ERC2: variants seen among roughly 807,000 people sequenced by gnomAD.
ERC2 encodes the protein ELKS/RAB6-interacting/CAST family member 2.
In ERC2, 42 loss-of-function variants were observed where a neutral mutation model predicts 114.8. The observed-to-expected ratio is 0.37, with a 90% CI of 0.29 to 0.47. The LOEUF (loss-of-function observed/expected upper bound fraction) is 0.47, where lower values mean the gene tolerates loss of function less well. Among genes scored for constraint, ERC2 ranks in the 20% least tolerant of loss-of-function variants. The pLI, the probability that ERC2 is intolerant of heterozygous loss-of-function variation, is 0.99. For missense variants in ERC2, 939 were observed against 1,150.7 expected, an observed-to-expected ratio of 0.82 and a Z score of 2.66; for synonymous variants, 454 against 425.5, an observed-to-expected ratio of 1.07 and a Z score of -0.82.
intron 4 of ERC2, among the ~76,000 whole-genome samples, chr3:56,152,139 G>A (rs1344692648): frequency 1.3e-5 from 2 of 152,150 alleles, no homozygotes; most frequent in African/African-American, 4.8e-5. Context: ...AATGCTCCAT[G>A]AAAAGGGGAT....
In ERC2 at chr3:55,546,356, A is replaced by T. The variant is rs139704089; in HGVS notation, c.*40-35080T>A. Among the ~76,000 whole-genome samples the T allele has an allele frequency of 4.3e-3, 650 of 151,842 alleles. 4 individuals carry two copies. Among genetic ancestry groups the T allele is most frequent in the African/African-American group, 0.015 (619 of 41,376 alleles). ...TTTGTTTAAATCATTTCCCAGTGAGACCCTCCTTGAGCACCCTATTAACCC... is the reference window on the plus strand; with the variant it reads ...TTTGTTTAAATCATTTCCCAGTGAGTCCCTCCTTGAGCACCCTATTAACCC... On this transcript the variant is annotated intron_variant, in intron 17 of 17. Transcript: ENST00000288221.
At chr3:56,084,186 T>C (rs1421822480) in intron 6 of ERC2, among the ~76,000 whole-genome samples, 1 of 152,058 alleles carries the variant, frequency 6.6e-6, no homozygotes, top group African/African-American at 2.4e-5. Context: ...CCAACCAGAA[T>C]AGCTATTCTT....
At chr3:56,387,033 C>T (rs1230330428) in intron 2 of ERC2, among the ~76,000 whole-genome samples, 1 of 152,150 alleles carries the variant, frequency 6.6e-6, no homozygotes, top group Non-Finnish European at 1.5e-5. Context: ...ATGGCAAAAA[C>T]TGTGATTATT....
At chr3:56,003,190 C>G (rs1375597506) in intron 10 of ERC2, 2 of 1,245,408 alleles carry the variant, frequency 1.6e-6, no homozygotes, top group Non-Finnish European at 2.1e-6. Flanking sequence ...AAGGAAAGAT[C>G]CAGAAAAACA....
chr3:56,455,968 C>G (rs966992291), intron 1 of ERC2, among the ~76,000 whole-genome samples: 1 of 152,190 alleles, frequency 6.6e-6, no homozygotes, highest in Non-Finnish European at 1.5e-5. Flanking sequence ...GAAGACCCCC[C>G]CAGGACAGAC....
chr3:55,574,898 C>A (rs894633517), intron 17 of ERC2, among the ~76,000 whole-genome samples: 3 of 152,186 alleles, frequency 2.0e-5, no homozygotes, highest in Non-Finnish European at 4.4e-5. Context: ...CCTAGCTGAC[C>A]CCACTGCCAT....
At chr3:55,776,235 C>T (rs947486622) in intron 14 of ERC2, among the ~76,000 whole-genome samples, 16 of 152,018 alleles carry the variant, frequency 1.1e-4, no homozygotes, top group African/African-American at 3.9e-4. Context: ...CTCCATTTGT[C>T]CTATTGTCCT....
chr3:55,986,234 T>A (rs2149514553), intron 11 of ERC2, among the ~76,000 whole-genome samples: 1 of 152,294 alleles, frequency 6.6e-6, no homozygotes, highest in East Asian at 1.9e-4. Flanking sequence ...CTCTGATATG[T>A]ATAATTACAA....
intron 15 of ERC2, among the ~76,000 whole-genome samples, chr3:55,733,649 G>A (rs1470384525): frequency 6.6e-6 from 1 of 151,768 alleles, no homozygotes; most frequent in Non-Finnish European, 1.5e-5. Flanking sequence ...TCTGGTGCAG[G>A]GTCAATGTAT....
intron 14 of ERC2, among the ~76,000 whole-genome samples, chr3:55,788,388 C>T (rs1036953421): frequency 2.0e-5 from 3 of 152,188 alleles, no homozygotes; most frequent in African/African-American, 7.2e-5. Flanking sequence ...TATGAACTCT[C>T]CCCTGTCTCT....
intron 14 of ERC2, among the ~76,000 whole-genome samples, chr3:55,757,885 AGAT>A (rs1324609447): frequency 6.6e-6 from 1 of 152,126 alleles, no homozygotes; most frequent in Non-Finnish European, 1.5e-5. Context: ...TTTGAGGCTC[AGAT>A]AATATTCCTC....
intron 17 of ERC2, among the ~76,000 whole-genome samples, chr3:55,583,544 TCTTC>T (rs377125700): frequency 0.5 from 19,164 of 38,502 alleles, 5,128 homozygotes; most frequent in Non-Finnish European, 0.57. Context: ...TTCCTTCCTT[TCTTC>T]CTTCCTTCCT....
intron 2 of ERC2, among the ~76,000 whole-genome samples, chr3:56,409,895 C>T (rs1014656956): frequency 1.3e-5 from 2 of 152,184 alleles, no homozygotes; most frequent in Non-Finnish European, 2.9e-5. Context: ...CTCATGTAGT[C>T]TTCACTAGAA....
chr3:55,986,028 A>G (rs1369505322), intron 11 of ERC2, 40 bp from the exon 12 acceptor site: 2 of 1,533,852 alleles, frequency 1.3e-6, no homozygotes, highest in Non-Finnish European at 1.7e-6. Flanking sequence ...TTGGAGGATA[A>G]GCAGAAAGGA....
intron 7 of ERC2, among the ~76,000 whole-genome samples, chr3:56,078,929 T>A (rs1030137317): frequency 6.6e-6 from 1 of 150,986 alleles, no homozygotes; most frequent in African/African-American, 2.4e-5. Context: ...AAGTTCTAAT[T>A]AAAAAAATAA....
intron 6 of ERC2, among the ~76,000 whole-genome samples, chr3:56,112,124 G>A (rs1159997803): frequency 2.6e-5 from 4 of 152,154 alleles, no homozygotes; most frequent in African/African-American, 9.7e-5. Flanking sequence ...GCTAAACAGT[G>A]CAGCTGCGAC....
chr3:55,789,950 G>A (rs34278646), intron 14 of ERC2, among the ~76,000 whole-genome samples: 6 of 152,140 alleles, frequency 3.9e-5, no homozygotes, highest in Admixed American at 6.5e-5. Context: ...GTAAGGCCAC[G>A]ACTTAGCCTC....
At chr3:56,393,841 C>A (rs1286236684) in intron 2 of ERC2, among the ~76,000 whole-genome samples, 1 of 151,914 alleles carries the variant, frequency 6.6e-6, no homozygotes, top group Non-Finnish European at 1.5e-5. Flanking sequence ...CAGTGAAGAT[C>A]AAAGAAGCTT....
chr3:56,200,433 G>T (rs558654064), intron 3 of ERC2, among the ~76,000 whole-genome samples: 4 of 151,204 alleles, frequency 2.6e-5, no homozygotes, highest in Admixed American at 6.6e-5. Flanking sequence ...AGATTAATCA[G>T]TTCCTCCCAC....
Sources: gnomAD v4.1 joint callset for allele counts (sites outside exome capture counted in the v4.1 genomes callset) on GRCh38, gnomAD v4.1.1 for gene constraint, MANE v1.5 for transcripts, NCBI Gene and HGNC (gene_info 2026-07-23, HGNC 2026-07-21) for gene names.